MYO1B: variants seen among roughly 807,000 people sequenced by gnomAD.
The protein encoded by MYO1B is myosin IB, also known as unconventional myosin-Ib.
MYO1B carries 72 observed loss-of-function variants against 159.7 expected under a neutral mutation model. The observed-to-expected ratio is 0.45, with a 90% confidence interval of 0.37 to 0.55. The LOEUF (loss-of-function observed/expected upper bound fraction) is 0.55, where lower values mean the gene tolerates loss of function less well. Among genes scored for constraint, MYO1B ranks in the 20% least tolerant of loss-of-function variants. The pLI is 0.00. For synonymous variants in MYO1B, 468 were observed against 473.8 expected (o/e 0.99, Z 0.16); for missense variants, 1,062 against 1,364.8 (o/e 0.78, Z 3.50).
intron 1 of MYO1B, chr2:191,263,005 C>T (rs1686917537): frequency 6.6e-6 from 1 of 152,146 alleles, no homozygotes; most frequent in African/African-American, 2.4e-5. Flanking sequence ...ATTCTTTCCT[C>T]AGTTAGATTG....
At chr2:191,372,063 A>G (rs1274993062) in intron 13 of MYO1B, among the ~76,000 whole-genome samples, 1 of 152,248 alleles carries the variant, frequency 6.6e-6, no homozygotes, top group Non-Finnish European at 1.5e-5. Flanking sequence ...TGCCAAAGTC[A>G]TTCTTTACAG....
intron 1 of MYO1B, among the ~76,000 whole-genome samples, chr2:191,261,377 G>A (rs183833648): frequency 3.2e-4 from 49 of 152,176 alleles, no homozygotes; most frequent in African/African-American, 1.1e-3. Context: ...AAAATTTGGG[G>A]GATCATAAAA....
At chr2:191,366,533 C>T (rs1396040339) in intron 11 of MYO1B, among the ~76,000 whole-genome samples, 3 of 152,022 alleles carry the variant, frequency 2.0e-5, no homozygotes, top group Admixed American at 2.0e-4. Flanking sequence ...CTTTATTGCC[C>T]CATGCCTCCT....
chr2:191,408,670 A>C lies in MYO1B; in HGVS notation c.2632-374A>C, dbSNP rs150228133. 6.9e-3 allele frequency among the ~76,000 whole-genome samples: 1,050 copies of C among 152,336 alleles called. 9 individuals carry two copies. Among genetic ancestry groups the C allele is most frequent in the African/African-American group, 0.024 (1,013 of 41,572 alleles). On this transcript the variant is annotated intron_variant, in intron 25 of 30. Coordinates refer to ENST00000392318, the MANE Select transcript of MYO1B (RefSeq NM_001130158.3). The stretch of plus-strand genomic sequence containing the variant: ...CTGGAGCCAGCCCCCACTGCCACTT[A>C]GTGTGACTAAGGAACTGGATTTTAA...
intron 7 of MYO1B, among the ~76,000 whole-genome samples, chr2:191,354,824 A>G (rs1266042866): frequency 2.6e-5 from 4 of 152,198 alleles, no homozygotes; most frequent in Admixed American, 6.5e-5. Context: ...ACCAGCTTGC[A>G]CAGTTTCAGG....
intron 4 of MYO1B, among the ~76,000 whole-genome samples, chr2:191,336,830 A>T (rs966066863): frequency 6.6e-6 from 1 of 152,164 alleles, no homozygotes; most frequent in Non-Finnish European, 1.5e-5. Context: ...GAACCACCAG[A>T]CCTACAAAAG....
chr2:191,266,744 G>A (rs559308191), intron 1 of MYO1B, among the ~76,000 whole-genome samples: 1 of 152,300 alleles, frequency 6.6e-6, no homozygotes, highest in African/African-American at 2.4e-5. Context: ...AAGGCACTTA[G>A]AAATTTTGCC....
At chr2:191,396,748 C>T (rs1301708296) in intron 21 of MYO1B, among the ~76,000 whole-genome samples, 1 of 152,150 alleles carries the variant, frequency 6.6e-6, no homozygotes, top group Non-Finnish European at 1.5e-5. Flanking sequence ...AAATAATACC[C>T]GTACATGATT....
chr2:191,254,179 T>G (rs905006279), intron 1 of MYO1B, among the ~76,000 whole-genome samples: 4 of 152,212 alleles, frequency 2.6e-5, no homozygotes, highest in African/African-American at 7.2e-5. Flanking sequence ...AACTTAGCCT[T>G]TATTGAAAAT....
At chr2:191,258,293 CAA>C (rs998992072) in intron 1 of MYO1B, among the ~76,000 whole-genome samples, 31 of 152,154 alleles carry the variant, frequency 2.0e-4, no homozygotes, top group African/African-American at 7.5e-4. Context: ...TGTATCTAAA[CAA>C]AGAGAAGGAA....
chr2:191,315,910 A>G (rs184534388), intron 3 of MYO1B, among the ~76,000 whole-genome samples: 13 of 152,322 alleles, frequency 8.5e-5, no homozygotes, highest in Admixed American at 8.5e-4. Flanking sequence ...TTCCCTTAGA[A>G]TCTATAGGGT....
intron 7 of MYO1B, among the ~76,000 whole-genome samples, chr2:191,356,360 GT>G: frequency 1.2e-5 from 1 of 86,710 alleles, no homozygotes; most frequent in African/African-American, 4.2e-5. Context: ...TTTTTTTTGA[GT>G]TTTGAGTTTT....
chr2:191,257,489 C>A (rs1040431992), intron 1 of MYO1B, among the ~76,000 whole-genome samples: 18 of 152,130 alleles, frequency 1.2e-4, no homozygotes, highest in African/African-American at 4.3e-4. Context: ...ACAAAGAAAC[C>A]ATGCCAAATC....
At chr2:191,336,909 T>A (rs1691890625) in intron 4 of MYO1B, among the ~76,000 whole-genome samples, 1 of 143,232 alleles carries the variant, frequency 7.0e-6, no homozygotes, top group African/African-American at 2.5e-5. Context: ...GATAAATAAA[T>A]GTGTACGAAT....
At position 191,274,842 on chromosome 2, in the gene MYO1B, A is replaced by C. The variant is rs186035778; in HGVS notation, c.-9-2045A>C. ...CTGAAACAGAGCCCAGCCAACTTCAAAATATACAGAGCAGTTCTTTGGGCC... is the reference window on the plus strand; with the variant it reads ...CTGAAACAGAGCCCAGCCAACTTCACAATATACAGAGCAGTTCTTTGGGCC... On this transcript the variant is annotated intron_variant, in intron 1 of 30. Coordinates refer to ENST00000392318, the MANE Select transcript of MYO1B (RefSeq NM_001130158.3). Among the ~76,000 whole-genome samples the C allele has an allele frequency of 1.3e-3, 196 of 152,240 alleles. 1 individual carries two copies. The highest frequency in any genetic ancestry group is 4.5e-3 in the African/African-American group (188 of 41,558).
chr2:191,340,806 A>C (rs1559182232), intron 4 of MYO1B, among the ~76,000 whole-genome samples: 1 of 151,362 alleles, frequency 6.6e-6, no homozygotes, highest in Non-Finnish European at 1.5e-5. Context: ...GCTCACTGCA[A>C]CCTCCACCTC....
At chr2:191,268,052 C>T (rs1373734628) in intron 1 of MYO1B, among the ~76,000 whole-genome samples, 2 of 152,212 alleles carry the variant, frequency 1.3e-5, no homozygotes, top group African/African-American at 4.8e-5. Context: ...AGAACTTAAA[C>T]CTCCCTTCTC....
intron 3 of MYO1B, among the ~76,000 whole-genome samples, chr2:191,321,686 G>A (rs567450936): frequency 3.2e-4 from 48 of 152,264 alleles, no homozygotes; most frequent in Admixed American, 7.2e-4. Context: ...CCTTGCATAT[G>A]CGTTGGGGTT....
intron 2 of MYO1B, among the ~76,000 whole-genome samples, chr2:191,288,374 GCTGT>G (rs1688506555): frequency 6.6e-6 from 1 of 152,188 alleles, no homozygotes; most frequent in African/African-American, 2.4e-5. Flanking sequence ...GACCGCTCAA[GCTGT>G]CTGTCTTCTC....
Sources: gnomAD v4.1 joint callset for allele counts (sites outside exome capture counted in the v4.1 genomes callset) on GRCh38, gnomAD v4.1.1 for gene constraint, MANE v1.5 for transcripts, NCBI Gene and HGNC (gene_info 2026-07-23, HGNC 2026-07-21) for gene names.